SGCZ: variants seen among roughly 807,000 people sequenced by gnomAD.
The protein encoded by SGCZ is zeta-sarcoglycan.
A neutral mutation model predicts 41.3 loss-of-function variants in SGCZ; 40 were observed. The ratio of observed to expected loss-of-function variants is 0.97; its 90% CI spans 0.75 to 1.26. The LOEUF is 1.26. Among genes scored for constraint, SGCZ ranks in the 50% most tolerant of loss-of-function variants. The pLI is 0.00. For missense variants in SGCZ, 552 were observed against 369.8 expected (o/e 1.49, Z -4.04); for synonymous variants, 206 against 137.5 (o/e 1.50, Z -3.49).
chr8:14,463,556 C>A (rs2116958707), intron 2 of SGCZ, among the ~76,000 whole-genome samples: 1 of 151,576 alleles, frequency 6.6e-6, no homozygotes, highest in Middle Eastern at 3.4e-3. Context: ...AAACATTGGG[C>A]AAAAACTTCA....
chr8:14,567,918 A>G (rs1804425468), intron 1 of SGCZ, among the ~76,000 whole-genome samples: 1 of 152,212 alleles, frequency 6.6e-6, no homozygotes, highest in South Asian at 2.1e-4. Context: ...TCCAAACATC[A>G]GAAGGAAAAA....
At chr8:14,901,953 G>A (rs1798985304) in intron 1 of SGCZ, among the ~76,000 whole-genome samples, 1 of 152,124 alleles carries the variant, frequency 6.6e-6, no homozygotes, top group African/African-American at 2.4e-5. Context: ...CTGACAGTCA[G>A]CCTTAGGCAA....
intron 1 of SGCZ, among the ~76,000 whole-genome samples, chr8:14,661,294 A>G (rs1585162625): frequency 6.6e-6 from 1 of 152,194 alleles, no homozygotes; most frequent in Non-Finnish European, 1.5e-5. Context: ...GCATGTTTCC[A>G]TCTGTCATAA....
At chr8:14,245,699 G>A (rs1000447160) in intron 3 of SGCZ, among the ~76,000 whole-genome samples, 1 of 152,036 alleles carries the variant, frequency 6.6e-6, no homozygotes, top group Non-Finnish European at 1.5e-5. Context: ...CTACTCATCT[G>A]ACAAAGGGCT....
chr8:15,133,076 G>A (rs1563142910), intron 1 of SGCZ, among the ~76,000 whole-genome samples: 2 of 152,078 alleles, frequency 1.3e-5, no homozygotes, highest in Non-Finnish European at 2.9e-5. Context: ...CCAAGAGGTG[G>A]AGGTTGCAGT....
At chr8:14,669,530 A>G (rs1430213941) in intron 1 of SGCZ, among the ~76,000 whole-genome samples, 1 of 152,050 alleles carries the variant, frequency 6.6e-6, no homozygotes, top group Non-Finnish European at 1.5e-5. Flanking sequence ...TATTTCTATG[A>G]GTATAACAAC....
intron 1 of SGCZ, among the ~76,000 whole-genome samples, chr8:15,087,399 T>C (rs10503531): frequency 0.91 from 137,815 of 152,146 alleles, 62,436 homozygotes; most frequent in Admixed American, 0.94. Context: ...TTAACGTCAA[T>C]ATCCCTGCTA....
chr8:14,736,874 G>T (rs943366909), intron 1 of SGCZ, among the ~76,000 whole-genome samples: 9 of 151,582 alleles, frequency 5.9e-5, no homozygotes, highest in African/African-American at 1.9e-4. Context: ...CCCACTACCG[G>T]GTATCTACCC....
At chr8:14,707,284 T>C (rs983893940) in intron 1 of SGCZ, among the ~76,000 whole-genome samples, 6 of 149,784 alleles carry the variant, frequency 4.0e-5, no homozygotes, top group African/African-American at 1.5e-4. Flanking sequence ...ACATACATAG[T>C]CAATTCTTTT....
chr8:14,738,461 A>T (rs1248097606), intron 1 of SGCZ, among the ~76,000 whole-genome samples: 3 of 152,022 alleles, frequency 2.0e-5, no homozygotes, highest in African/African-American at 7.2e-5. Context: ...AAAGTTTTTA[A>T]TTTTTCTTCC....
At chr8:14,734,976 G>A (rs556766348) in intron 1 of SGCZ, among the ~76,000 whole-genome samples, 36 of 152,264 alleles carry the variant, frequency 2.4e-4, no homozygotes, top group African/African-American at 8.7e-4. Context: ...TGTTATCTAT[G>A]TAGTGGAGTC....
At chr8:14,890,131 C>T (rs1049295137) in intron 1 of SGCZ, among the ~76,000 whole-genome samples, 1 of 151,782 alleles carries the variant, frequency 6.6e-6, no homozygotes, top group Admixed American at 6.6e-5. Flanking sequence ...GCAGGTGAAT[C>T]GCTTCAACGT....
chr8:14,423,764 T>C (rs1585490614), intron 2 of SGCZ, among the ~76,000 whole-genome samples: 1 of 152,292 alleles, frequency 6.6e-6, no homozygotes, highest in Non-Finnish European at 1.5e-5. Context: ...CTTTCTTCCT[T>C]CCTTCCGTCC....
intron 1 of SGCZ, among the ~76,000 whole-genome samples, chr8:14,814,222 T>C (rs1164904251): frequency 6.6e-6 from 1 of 152,098 alleles, no homozygotes; most frequent in East Asian, 1.9e-4. Context: ...AAATAAGCCA[T>C]ATTTGCGTTA....
rs548536638 is a variant in SGCZ, at chr8:14,420,799, G to A, written c.235-96595C>T. 5.3e-5 allele frequency among the ~76,000 whole-genome samples: 8 copies of A among 152,070 alleles called. No homozygotes were observed. The East Asian group carries it at 1.4e-3, about 26-fold the overall frequency. ...TATCACTTCTTTTCCCACTTAATATGTTTCTTTCCTCCTTTTATCTTTGTT... is the reference window on the plus strand; with the variant it reads ...TATCACTTCTTTTCCCACTTAATATATTTCTTTCCTCCTTTTATCTTTGTT... On this transcript the variant is annotated intron_variant, in intron 2 of 7. Coordinates refer to ENST00000382080, the MANE Select transcript of SGCZ (RefSeq NM_139167.4).
At chr8:15,090,926 G>T (rs952121900) in intron 1 of SGCZ, among the ~76,000 whole-genome samples, 1 of 152,100 alleles carries the variant, frequency 6.6e-6, no homozygotes, top group African/African-American at 2.4e-5. Context: ...CTTTATTGAG[G>T]GTGACAAGTG....
chr8:14,224,952 TTCA>T (rs916606152), intron 4 of SGCZ, among the ~76,000 whole-genome samples: 15 of 152,196 alleles, frequency 9.9e-5, no homozygotes, highest in African/African-American at 3.4e-4. Context: ...ATATTTGGTG[TTCA>T]TCATTTTCTA....
intron 3 of SGCZ, among the ~76,000 whole-genome samples, chr8:14,272,820 A>C (rs1245469251): frequency 6.6e-6 from 1 of 152,146 alleles, no homozygotes; most frequent in East Asian, 1.9e-4. Context: ...ATATCAATTA[A>C]ATTTTACATT....
chr8:15,140,575 C>T (rs1044550490), intron 1 of SGCZ, among the ~76,000 whole-genome samples: 1 of 152,046 alleles, frequency 6.6e-6, no homozygotes, highest in Non-Finnish European at 1.5e-5. Context: ...AATAATAATA[C>T]CAACAAAAAC....
Sources: allele counts gnomAD v4.1 joint callset (sites outside exome capture counted in the v4.1 genomes callset), GRCh38; gene constraint gnomAD v4.1.1; transcripts MANE v1.5; gene names NCBI Gene and HGNC (gene_info 2026-07-23, HGNC 2026-07-21).